CDC42BPA: variants seen among roughly 807,000 people sequenced by gnomAD.
CDC42BPA encodes serine/threonine-protein kinase MRCK alpha.
In CDC42BPA, 80 loss-of-function variants were observed where a neutral mutation model predicts 223.5. The observed-to-expected ratio is 0.36, with a 90% confidence interval of 0.30 to 0.43. The LOEUF (loss-of-function observed/expected upper bound fraction) is 0.43. Among genes scored for constraint, CDC42BPA ranks in the 20% least tolerant of loss-of-function variants. The probability of loss-of-function intolerance (pLI) is 1.00; values close to 1 mark genes in which losing one functional copy is unlikely to be tolerated. For missense variants in CDC42BPA, 1,743 were observed against 2,099.9 expected, an observed-to-expected ratio of 0.83 and a Z score of 3.32; for synonymous variants, 694 against 718.6, an observed-to-expected ratio of 0.97 and a Z score of 0.55.
At chr1:227,279,788 G>A (rs1687716322) in intron 1 of CDC42BPA, among the ~76,000 whole-genome samples, 1 of 152,130 alleles carries the variant, frequency 6.6e-6, no homozygotes, top group Admixed American at 6.5e-5. Flanking sequence ...CGGGAACGGT[G>A]GCTCACACTT....
At chr1:227,308,633 T>C (rs1692985636) in intron 1 of CDC42BPA, among the ~76,000 whole-genome samples, 1 of 152,142 alleles carries the variant, frequency 6.6e-6, no homozygotes, top group Admixed American at 6.5e-5. Context: ...TAGTCTTATG[T>C]CCATTTTTCA....
intron 1 of CDC42BPA, among the ~76,000 whole-genome samples, chr1:227,282,428 CCA>C (rs1425211993): frequency 1.3e-5 from 2 of 152,124 alleles, no homozygotes; most frequent in Non-Finnish European, 2.9e-5. Flanking sequence ...AAAATAACTT[CCA>C]GTGTTTACTG....
At chr1:227,018,711 T>C (rs1666781297) in intron 32 of CDC42BPA, among the ~76,000 whole-genome samples, 1 of 152,222 alleles carries the variant, frequency 6.6e-6, no homozygotes, top group Admixed American at 6.5e-5. Context: ...TGAGACCACA[T>C]AATAAAACAA....
At chr1:227,188,769 C>T (rs1021379582) in intron 5 of CDC42BPA, among the ~76,000 whole-genome samples, 1 of 152,038 alleles carries the variant, frequency 6.6e-6, no homozygotes, top group Non-Finnish European at 1.5e-5. Flanking sequence ...ACTATTATGG[C>T]GGATACACGT....
intron 12 of CDC42BPA, among the ~76,000 whole-genome samples, chr1:227,115,309 A>G (rs1015274721): frequency 5.3e-5 from 8 of 152,206 alleles, no homozygotes; most frequent in Admixed American, 6.5e-5. Context: ...TCAGTAGAAA[A>G]AGTATTACTA....
intron 5 of CDC42BPA, among the ~76,000 whole-genome samples, chr1:227,170,439 T>G (rs1665896539): frequency 6.6e-6 from 1 of 150,640 alleles, no homozygotes; most frequent in Non-Finnish European, 1.5e-5. Context: ...CCTGCCCAAA[T>G]TTCAGACTCA....
At chr1:227,213,580 C>G (rs1674316466) in intron 2 of CDC42BPA, among the ~76,000 whole-genome samples, 1 of 152,096 alleles carries the variant, frequency 6.6e-6, no homozygotes, top group South Asian at 2.1e-4. Flanking sequence ...AAATGCTCAA[C>G]AGGAAAGAAC....
chr1:227,308,509 C>CA (rs34849679), intron 1 of CDC42BPA, among the ~76,000 whole-genome samples: 1,063 of 89,574 alleles, frequency 0.012, 33 homozygotes, highest in East Asian at 0.056. Flanking sequence ...GACTGTATCT[C>CA]AAAAAAAAAA....
rs183738566 is a variant in CDC42BPA, at chr1:227,134,628, A to G, written c.1390+4948T>C. ...TCTGCTTTTTATTACATTCCTGGTC[A>G]TGGGCAGTACAGCTCCTGGGCTGTT... On this transcript the variant is annotated intron_variant, in intron 10 of 36. Coordinates refer to ENST00000366766, the MANE Select transcript of CDC42BPA (RefSeq NM_001394014.1). Among the ~76,000 whole-genome samples the G allele has an allele frequency of 5.3e-3, 810 of 152,318 alleles. 7 individuals are homozygous for G. The highest frequency in any genetic ancestry group is 0.048 in the Middle Eastern group (14 of 294).
At chr1:227,193,293 C>T (rs1012841370) in intron 5 of CDC42BPA, among the ~76,000 whole-genome samples, 8 of 151,952 alleles carry the variant, frequency 5.3e-5, no homozygotes, top group Admixed American at 1.3e-4. Flanking sequence ...ATCTCCTGAC[C>T]TCGTAATCTG....
chr1:227,306,596 A>G (rs1250095691), intron 1 of CDC42BPA, among the ~76,000 whole-genome samples: 1 of 152,256 alleles, frequency 6.6e-6, no homozygotes, highest in Middle Eastern at 3.2e-3. Flanking sequence ...ATATTATTGT[A>G]GTTTTAACCA....
At chr1:227,228,035 T>G (rs543519361) in intron 2 of CDC42BPA, among the ~76,000 whole-genome samples, 1 of 152,274 alleles carries the variant, frequency 6.6e-6, no homozygotes, top group African/African-American at 2.4e-5. Flanking sequence ...ACACTGCATG[T>G]TCTCACTTAT....
rs144403236 is a variant in CDC42BPA at position 227,078,755 on chromosome 1, A to T, written c.2480+2138T>A. ...AAACTGTTCATTTGTCCCAGGAAAC[A>T]TTTAAAGTGCTATATGTCATGAGGT... On this transcript the variant is annotated intron_variant, in intron 17 of 36. Transcript: ENST00000366766. Among the ~76,000 whole-genome samples the T allele has an allele frequency of 3.3e-4, 51 of 152,268 alleles. 1 individual carries two copies. Among genetic ancestry groups the T allele is most frequent in the African/African-American group, 1.2e-3 (49 of 41,574 alleles).
At chr1:227,179,645 A>AAAAAAAAAAAAAAAAAC (rs1667588173) in intron 5 of CDC42BPA, among the ~76,000 whole-genome samples, 1 of 149,148 alleles carries the variant, frequency 6.7e-6, no homozygotes, top group Non-Finnish European at 1.5e-5. Context: ...CAAAAAAAAA[A>AAAAAAAAAAAAAAAAAC]AAAAAAAAAA....
intron 1 of CDC42BPA, among the ~76,000 whole-genome samples, chr1:227,278,693 T>C (rs1687529330): frequency 6.6e-6 from 1 of 152,228 alleles, no homozygotes; most frequent in Non-Finnish European, 1.5e-5. Flanking sequence ...TCATGAGTTC[T>C]TAAAAAGAAT....
chr1:227,008,469 C>T (rs1300190322), intron 34 of CDC42BPA, among the ~76,000 whole-genome samples: 2 of 152,084 alleles, frequency 1.3e-5, no homozygotes, highest in Non-Finnish European at 2.9e-5. Context: ...AAGAAATGTA[C>T]TAATGTGGCT....
At chr1:227,061,012 C>T (rs780018020) in intron 21 of CDC42BPA, among the ~76,000 whole-genome samples, 3 of 152,052 alleles carry the variant, frequency 2.0e-5, no homozygotes, top group Admixed American at 6.5e-5. Flanking sequence ...TGAACCACCG[C>T]GCCTGGCCAG....
intron 15 of CDC42BPA, among the ~76,000 whole-genome samples, chr1:227,095,069 T>C (rs1683742593): frequency 6.6e-6 from 1 of 152,204 alleles, no homozygotes; most frequent in South Asian, 2.1e-4. Flanking sequence ...TTATTGAAAA[T>C]AACAGTATTC....
chr1:227,160,116 T>A (rs754263597), intron 6 of CDC42BPA, among the ~76,000 whole-genome samples: 13 of 152,184 alleles, frequency 8.5e-5, no homozygotes, highest in Non-Finnish European at 1.8e-4. Flanking sequence ...AAGGGATTCA[T>A]TTGTTGAACA....
Sources: allele counts gnomAD v4.1 joint callset (sites outside exome capture counted in the v4.1 genomes callset), GRCh38; gene constraint gnomAD v4.1.1; transcripts MANE v1.5; gene names NCBI Gene and HGNC (gene_info 2026-07-23, HGNC 2026-07-21).